The following DEFB126 variants were observed in gnomAD, a reference collection of about 807,000 sequenced individuals.
The protein encoded by DEFB126 is beta-defensin 126.
Under a neutral mutation model 2.5 loss-of-function variants are expected in DEFB126, and 2 were observed. The observed-to-expected ratio is 0.79, with a 90% CI of 0.32 to 2.49. The LOEUF is 2.49. Ranked by LOEUF, DEFB126 falls within the 30% of genes most tolerant of loss-of-function variation. The probability of loss-of-function intolerance (pLI) is 0.11; values close to 1 mark genes in which losing one functional copy is unlikely to be tolerated. For synonymous variants in DEFB126, 51 were observed against 45.4 expected, an observed-to-expected ratio of 1.12 and a Z score of -0.50; for missense variants, 136 against 135.4, an observed-to-expected ratio of 1.00 and a Z score of -0.02.
Position 145,708 on chromosome 20 carries a change from T to C in DEFB126, c.*16T>C. ...CACTGGTTGAACATTCCAGCCTCTG[T>C]CTCCTGCTCTAGGATCCCCGACTCA... On this transcript the variant is annotated 3_prime_UTR_variant, in exon 2 of 2. Transcript: ENST00000382398. The C allele has an allele frequency of 6.2e-7, 1 of 1,604,236 alleles. No individual in the cohort carries two copies. Among genetic ancestry groups the C allele is most frequent in the Non-Finnish European group, 8.5e-7 (1 of 1,177,370 alleles).
chr20:145,050 G>A (rs1362689176), intron 1 of DEFB126, among the ~76,000 whole-genome samples: 1 of 152,102 alleles, frequency 6.6e-6, no homozygotes, highest in Non-Finnish European at 1.5e-5. Context: ...TGAAATGATA[G>A]TTTTTACTTC....
At chr20:145,120 T>A (rs1450187781) in intron 1 of DEFB126, among the ~76,000 whole-genome samples, 1 of 152,206 alleles carries the variant, frequency 6.6e-6, no homozygotes, top group Non-Finnish European at 1.5e-5. Flanking sequence ...TTTGTGTTCA[T>A]GTATAACAAC....
chr20:142,644 T>A lies in DEFB126; in HGVS notation c.16T>A (p.Phe6Ile). 6.2e-7 allele frequency: 1 copy of A among 1,613,832 alleles called. No individual in the cohort carries two copies. Among genetic ancestry groups the A allele is most frequent in the South Asian group, 1.1e-5 (1 of 91,072 alleles). Reference protein sequence around the residue: MKSLLFTLAVFMLLAQ... With the variant: MKSLLITLAVFMLLAQ... ...CTGCCTCCTGATGAAGTCCCTACTG[T>A]TCACCCTTGCAGTTTTTATGCTCCT... The change falls in exon 1 of 2, where the codon TTC (phenylalanine) becomes ATC (isoleucine). Residue 6 changes from phenylalanine to isoleucine, a missense_variant. Physicochemically the swap from Phe to Ile is conservative, Grantham distance 21. Coordinates refer to ENST00000382398, the MANE Select transcript of DEFB126 (RefSeq NM_030931.4).
Position 142,648 on chromosome 20 carries a change from C to T in DEFB126, c.20C>T (p.Thr7Ile), listed in dbSNP as rs776627207. The T allele has an allele frequency of 1.2e-6, 2 of 1,613,832 alleles. No individual in the cohort carries two copies. The highest frequency in any genetic ancestry group is 1.1e-5 in the South Asian group (1 of 91,078). ...CTCCTGATGAAGTCCCTACTGTTCA[C>T]CCTTGCAGTTTTTATGCTCCTGGCC... is the stretch of plus-strand genomic sequence containing the variant. MKSLLF[T>I]LAVFMLLAQL... Residue 7 changes from threonine to isoleucine, a missense_variant, in exon 1 of 2, where the codon ACC becomes ATC. Coordinates refer to ENST00000382398, the MANE Select transcript of DEFB126 (RefSeq NM_030931.4).
chr20:144,938 G>A (rs1438592968), intron 1 of DEFB126, among the ~76,000 whole-genome samples: 1 of 152,098 alleles, frequency 6.6e-6, no homozygotes, highest in East Asian at 1.9e-4. Flanking sequence ...TCAGAAACAT[G>A]TAAGGGACAT....
At chr20:143,939 C>T (rs1748462503) in intron 1 of DEFB126, among the ~76,000 whole-genome samples, 1 of 152,020 alleles carries the variant, frequency 6.6e-6, no homozygotes, top group African/African-American at 2.4e-5. Context: ...GGACTCAATC[C>T]CACCTTTTTA....
At chr20:145,111 T>G (rs2054661971) in intron 1 of DEFB126, among the ~76,000 whole-genome samples, 1 of 152,176 alleles carries the variant, frequency 6.6e-6, no homozygotes, top group Non-Finnish European at 1.5e-5. Context: ...CTTGGGGATT[T>G]TGTGTTCATG....
Position 142,690 on chromosome 20 carries a change from A to G in DEFB126, c.58+4A>G, listed in dbSNP as rs375580475. 1.9e-6 allele frequency: 3 copies of G among 1,613,504 alleles called. No homozygotes were observed. In the African/African-American group the frequency reaches 4.0e-5, roughly 22 times the overall value. On this transcript the variant is annotated splice_donor_region_variant and intron_variant, in intron 1 of 1. Transcript: ENST00000382398. ...CTCCTGGCCCAATTGGTCTCAGGTAAACAGAATCTTGGGGAAGAAGAAACA... is the reference window on the plus strand; with the variant it reads ...CTCCTGGCCCAATTGGTCTCAGGTAGACAGAATCTTGGGGAAGAAGAAACA...
chr20:142,729 G>A (rs779054468), intron 1 of DEFB126, 43 bp downstream of exon 1: 1 of 1,600,932 alleles, frequency 6.2e-7, no homozygotes, highest in Non-Finnish European at 8.6e-7. Context: ...GCCTGGAACA[G>A]GGTCCTGCAC....
intron 1 of DEFB126, among the ~76,000 whole-genome samples, chr20:145,024 T>C (rs915305299): frequency 6.6e-6 from 1 of 152,204 alleles, no homozygotes; most frequent in African/African-American, 2.4e-5. Context: ...GCAATTATTT[T>C]AGCATTTCTT....
chr20:142,984 G>A (rs912508262), intron 1 of DEFB126, among the ~76,000 whole-genome samples: 1 of 151,480 alleles, frequency 6.6e-6, no homozygotes. Context: ...GGTCAGTCCA[G>A]TCAAGCCCTG....
At chr20:144,536 T>C (rs2054659934) in intron 1 of DEFB126, among the ~76,000 whole-genome samples, 1 of 152,122 alleles carries the variant, frequency 6.6e-6, no homozygotes, top group South Asian at 2.1e-4. Flanking sequence ...TTTTATTCCC[T>C]GCATCTTGCA....
At chr20:145,084 T>C (rs1291102343) in intron 1 of DEFB126, among the ~76,000 whole-genome samples, 3 of 152,174 alleles carry the variant, frequency 2.0e-5, no homozygotes, top group Non-Finnish European at 2.9e-5. Context: ...GTGTTTTAGC[T>C]ACATTTTAGG....
At position 145,512 on chromosome 20, in the gene DEFB126, C is replaced by A. The variant is rs772800263; in HGVS notation, c.156C>A (p.Cys52Ter). The A allele has an allele frequency of 5.0e-6, 8 of 1,606,642 alleles. No individual in the cohort carries two copies. Among genetic ancestry groups the A allele is most frequent in the South Asian group, 2.2e-5 (2 of 90,806 alleles). ...EMHVKNGWAM[C>*]GKQRDCCVPA... ...ATGTAAAGAATGGTTGGGCAATGTG[C>A]GGCAAACAAAGGGACTGCTGTGTTC... Residue 52 changes from cysteine (C) to a stop codon, truncating the protein, a stop_gained, in exon 2 of 2, where the codon TGC becomes TGA. Coordinates refer to ENST00000382398, the MANE Select transcript of DEFB126 (RefSeq NM_030931.4). LOFTEE classifies it low-confidence loss of function (END_TRUNC).
intron 1 of DEFB126, among the ~76,000 whole-genome samples, 192 bp from the exon 2 acceptor site, chr20:145,223 A>G (rs901502618): frequency 1.3e-5 from 2 of 152,176 alleles, no homozygotes; most frequent in African/African-American, 4.8e-5. Flanking sequence ...AGAATCTCAT[A>G]CATATCTAAA....
At position 142,675 on chromosome 20, in the gene DEFB126, A is replaced by C; in HGVS notation, c.47A>C (p.Gln16Pro). Residue 16 changes from glutamine to proline, a missense_variant, in exon 1 of 2, where the codon CAA (glutamine) becomes CCA (proline). Physicochemically the swap from Gln to Pro is moderately conservative, Grantham distance 76. Transcript: ENST00000382398. ...CTTGCAGTTTTTATGCTCCTGGCCC[A>C]ATTGGTCTCAGGTAAACAGAATCTT... is the stretch of plus-strand genomic sequence containing the variant. ...FTLAVFMLLAQLVSGNWYVKK... is the reference protein window; with the variant it reads ...FTLAVFMLLAPLVSGNWYVKK... 6.2e-7 allele frequency: 1 copy of C among 1,613,716 alleles called. No homozygotes were observed. Among genetic ancestry groups the C allele is most frequent in the Non-Finnish European group, 8.5e-7 (1 of 1,179,690 alleles).
chr20:144,835 T>G (rs2054661014), intron 1 of DEFB126, among the ~76,000 whole-genome samples: 1 of 152,278 alleles, frequency 6.6e-6, no homozygotes, highest in Non-Finnish European at 1.5e-5. Flanking sequence ...TGAAAATTTT[T>G]TATTTATCTT....
intron 1 of DEFB126, among the ~76,000 whole-genome samples, chr20:144,973 C>A (rs1294368946): frequency 6.6e-6 from 1 of 152,070 alleles, no homozygotes; most frequent in Non-Finnish European, 1.5e-5. Context: ...CAATTGGCAA[C>A]AAAAGCCATA....
chr20:145,335 G>A (rs1243690222), intron 1 of DEFB126, 80 bp from the exon 2 acceptor site: 35 of 1,382,440 alleles, frequency 2.5e-5, no homozygotes, highest in Middle Eastern at 1.9e-4. Flanking sequence ...TGAATAAACA[G>A]TGCTCAAAAA....
Sources: allele counts gnomAD v4.1 joint callset (sites outside exome capture counted in the v4.1 genomes callset), GRCh38; gene constraint gnomAD v4.1.1; transcripts MANE v1.5; gene names NCBI Gene and HGNC (gene_info 2026-07-23, HGNC 2026-07-21).